Variants in POPDC1 observed in about 807,000 individuals in gnomAD.
The protein encoded by POPDC1 is popeye domain-containing protein 1.
At chr6:105,133,315 CA>C in the POPDC1 span, 1 of 1,521,670 alleles carries the variant, frequency 6.6e-7, no homozygotes, top group African/African-American at 1.4e-5. Flanking sequence ...ATGTCAGTTA[CA>C]GAAAAGTTAC....
chr6:105,113,966 AAAAC>A, the POPDC1 span, among the ~76,000 whole-genome samples: 2 of 152,226 alleles, frequency 1.3e-5, no homozygotes, highest in African/African-American at 4.8e-5. Flanking sequence ...AAAAAAAACA[AAAAC>A]AAAACAAAAA....
chr6:105,135,977 A>G, the POPDC1 span, among the ~76,000 whole-genome samples: 2 of 152,178 alleles, frequency 1.3e-5, no homozygotes, highest in Non-Finnish European at 2.9e-5. Flanking sequence ...CAGATCATCA[A>G]AGTTGAAGTC....
the POPDC1 span, among the ~76,000 whole-genome samples, chr6:105,115,211 C>A: frequency 2.0e-5 from 3 of 152,206 alleles, no homozygotes; most frequent in Non-Finnish European, 2.9e-5. Flanking sequence ...CTCAGCCTCC[C>A]GAGTAGCCAG....
At chr6:105,106,120 A>G in the POPDC1 span, among the ~76,000 whole-genome samples, 1 of 152,156 alleles carries the variant, frequency 6.6e-6, no homozygotes, top group Non-Finnish European at 1.5e-5. Context: ...ATCACCTTCC[A>G]CCTACCAGTT....
chr6:105,115,147 C>T, the POPDC1 span, among the ~76,000 whole-genome samples: 3 of 152,230 alleles, frequency 2.0e-5, no homozygotes, highest in Non-Finnish European at 2.9e-5. Context: ...AGTGCAGTGG[C>T]GTGATCTCAA....
chr6:105,113,106 A>AT, the POPDC1 span, among the ~76,000 whole-genome samples: 1 of 151,378 alleles, frequency 6.6e-6, no homozygotes, highest in African/African-American at 2.4e-5. Context: ...AATTTTTTTA[A>AT]TTTTTTGTAG....
the POPDC1 span, chr6:105,100,930 G>T: frequency 2.8e-6 from 2 of 719,508 alleles, no homozygotes; most frequent in South Asian, 3.6e-5. Flanking sequence ...GTAAGTGAAA[G>T]AACTCTTCCA....
the POPDC1 span, among the ~76,000 whole-genome samples, chr6:105,117,728 C>CATCT: frequency 6.6e-6 from 1 of 152,322 alleles, no homozygotes. Context: ...TCAGCTGACA[C>CATCT]ATCTGCCTGT....
the POPDC1 span, among the ~76,000 whole-genome samples, chr6:105,132,157 G>C: frequency 9.2e-5 from 14 of 152,052 alleles, no homozygotes; most frequent in Admixed American, 5.9e-4. Flanking sequence ...GTAGACACAA[G>C]GTTTCACCAT....
At chr6:105,111,243 C>A in the POPDC1 span, among the ~76,000 whole-genome samples, 1 of 152,148 alleles carries the variant, frequency 6.6e-6, no homozygotes, top group Non-Finnish European at 1.5e-5. Context: ...AGTTCTGTAA[C>A]ATTCAAGGAA....
At chr6:105,130,459 T>C in the POPDC1 span, among the ~76,000 whole-genome samples, 2 of 152,218 alleles carry the variant, frequency 1.3e-5, no homozygotes, top group Non-Finnish European at 2.9e-5. Flanking sequence ...GAATGAAATT[T>C]ATAGTTTTTT....
the POPDC1 span, among the ~76,000 whole-genome samples, chr6:105,128,491 A>G: frequency 6.6e-6 from 1 of 152,206 alleles, no homozygotes; most frequent in Non-Finnish European, 1.5e-5. Context: ...GCAAGATACA[A>G]GGTGGGTGAG....
At chr6:105,129,261 A>C in the POPDC1 span, 14 of 915,842 alleles carry the variant, frequency 1.5e-5, no homozygotes, top group South Asian at 2.6e-5. Flanking sequence ...CCTAAACTTC[A>C]GAGAAATTAT....
chr6:105,103,455 G>T, the POPDC1 span, among the ~76,000 whole-genome samples: 3 of 151,726 alleles, frequency 2.0e-5, no homozygotes, highest in African/African-American at 7.3e-5. Context: ...TCTTGAGTGT[G>T]GCAAAATTGT....
chr6:105,128,450 T>C, the POPDC1 span, among the ~76,000 whole-genome samples: 2 of 152,284 alleles, frequency 1.3e-5, no homozygotes, highest in African/African-American at 2.4e-5. Flanking sequence ...ATGCATAGAA[T>C]AGAATCACAG....
chr6:105,129,638 C>T, the POPDC1 span: 18 of 787,240 alleles, frequency 2.3e-5, 1 homozygote, highest in Middle Eastern at 1.4e-3. Flanking sequence ...CCCCAGTGAA[C>T]GCCTGAAACC....
At chr6:105,133,411 A>C in the POPDC1 span, 1 of 1,613,876 alleles carries the variant, frequency 6.2e-7, no homozygotes, top group South Asian at 1.1e-5. Context: ...TGGAATAACC[A>C]ACCCAACTGC....
At chr6:105,129,238 T>C in the POPDC1 span, 3 of 729,336 alleles carry the variant, frequency 4.1e-6, no homozygotes, top group South Asian at 9.7e-5. Flanking sequence ...TCAGGCATAA[T>C]GTAAACAGAA....
the POPDC1 span, among the ~76,000 whole-genome samples, chr6:105,128,307 T>C: frequency 1.3e-5 from 2 of 152,248 alleles, no homozygotes; most frequent in Non-Finnish European, 2.9e-5. Context: ...AAACAATATA[T>C]GTCCCTTTTG....
Sources: gnomAD v4.1 joint callset for allele counts (sites outside exome capture counted in the v4.1 genomes callset) on GRCh38, gnomAD v4.1.1 for gene constraint, MANE v1.5 for transcripts, NCBI Gene and HGNC (gene_info 2026-07-23, HGNC 2026-07-21) for gene names.